The following LIM2 variants were observed in gnomAD, a reference collection of about 807,000 sequenced individuals.
LIM2 encodes lens fiber membrane intrinsic protein.
LIM2 carries 14 observed loss-of-function variants against 19.0 expected under a neutral mutation model. The ratio of observed to expected loss-of-function variants is 0.74; its 90% CI spans 0.49 to 1.15. The LOEUF is 1.15. Ranked by LOEUF, LIM2 falls within the 50% of genes most tolerant of loss-of-function variation. The pLI, the probability that LIM2 is intolerant of heterozygous loss-of-function variation, is 0.00. For synonymous variants in LIM2, 78 were observed against 89.6 expected (o/e 0.87, Z 0.73); for missense variants, 230 against 243.5 (o/e 0.94, Z 0.37).
At chr19:51,382,269 G>A in intron 3 of LIM2, 149 bp downstream of exon 3, 1 of 788,806 alleles carries the variant, frequency 1.3e-6, no homozygotes, top group African/African-American at 1.7e-5. Context: ...TAGTCATGAG[G>A]TTGGTTTTGA....
intron 2 of LIM2, 57 bp from the exon 3 acceptor site, chr19:51,382,624 TG>T: frequency 6.2e-7 from 1 of 1,607,560 alleles, no homozygotes; most frequent in Non-Finnish European, 8.5e-7. Flanking sequence ...TGAGAGATGC[TG>T]CTACCTCTGA....
At chr19:51,381,911 G>T (rs1266392440) in intron 3 of LIM2, among the ~76,000 whole-genome samples, 6 of 152,188 alleles carry the variant, frequency 3.9e-5, no homozygotes, top group Admixed American at 1.3e-4. Flanking sequence ...TGTATTTTTA[G>T]TAGAGATGGG....
intron 1 of LIM2, among the ~76,000 whole-genome samples, 153 bp downstream of exon 1, chr19:51,387,766 G>A (rs1251229840): frequency 6.6e-6 from 1 of 152,030 alleles, no homozygotes; most frequent in Non-Finnish European, 1.5e-5. Context: ...TAGGTGAGAA[G>A]GGGCCCAGGA....
Position 51,380,659 on chromosome 19 carries a change from G to A in LIM2, c.326-20C>T. On this transcript the variant is annotated intron_variant, in intron 3 of 4. Transcript: ENST00000596399. The stretch of plus-strand genomic sequence containing the variant: ...AAAGGGCTGGGGAGAGAGGGCGGGA[G>A]GATGCAGGTGGGACTAAGGCTGGGT... 6.2e-7 allele frequency: 1 copy of A among 1,613,894 alleles called. No individual in the cohort carries two copies. The highest frequency in any genetic ancestry group is 8.5e-7 in the Non-Finnish European group (1 of 1,179,958).
At chr19:51,387,585 T>C (rs1221541616) in intron 1 of LIM2, 136 bp from the exon 2 acceptor site, 4 of 1,301,896 alleles carry the variant, frequency 3.1e-6, no homozygotes, top group African/African-American at 3.0e-5. Context: ...GCCTGGGTCC[T>C]GGGCGAGGAG....
Position 51,387,444 on chromosome 19 carries a change from G to A in LIM2, c.-1C>T. On this transcript the variant is annotated 5_prime_UTR_variant, in exon 2 of 5. Transcript: ENST00000596399. ...GGCCACCACCCATGAAGCTGTACAT[G>A]GTGATCTGTGGGGAAGGGGAGAGAT... The A allele has an allele frequency of 6.2e-7, 1 of 1,613,676 alleles. No individual in the cohort carries two copies. Among genetic ancestry groups the A allele is most frequent in the Non-Finnish European group, 8.5e-7 (1 of 1,179,994 alleles).
At position 51,380,629 on chromosome 19, in the gene LIM2, G is replaced by A. The variant is rs888833603; in HGVS notation, c.336C>T (p.Val112=). 7.4e-6 allele frequency: 12 copies of A among 1,613,616 alleles called. No individual in the cohort carries two copies. Among genetic ancestry groups the A allele is most frequent in the African/African-American group, 1.3e-5 (1 of 74,764 alleles). ...GIMFFSSTLF[V]VLALAIYTGV... ...CAGTGTAGATGGCCAAGGCCAACACGACGAAAAGGGCTGGGGAGAGAGGGC... is the reference window on the plus strand; with the variant it reads ...CAGTGTAGATGGCCAAGGCCAACACAACGAAAAGGGCTGGGGAGAGAGGGC... The change falls in exon 4 of 5, where the codon GTC becomes GTT. Residue 112 remains valine (V), a synonymous_variant. Coordinates refer to ENST00000596399, the MANE Select transcript of LIM2 (RefSeq NM_001161748.2).
intron 3 of LIM2, 85 bp from the exon 4 acceptor site, chr19:51,380,724 G>C: frequency 6.6e-7 from 1 of 1,516,928 alleles, no homozygotes; most frequent in Admixed American, 1.9e-5. Context: ...GATGGGGGTG[G>C]GAACTAAGAT....
intron 2 of LIM2, among the ~76,000 whole-genome samples, chr19:51,383,442 C>G (rs1331713191): frequency 6.6e-6 from 1 of 152,210 alleles, no homozygotes. Context: ...CCTTAGCTCT[C>G]AAGGACAAGC....
Position 51,380,368 on chromosome 19 carries a change from C to T in LIM2, c.461-106G>A, listed in dbSNP as rs1057245798. 8 of 1,568,866 alleles carry T rather than the reference C, an allele frequency of 5.1e-6. No individual in the cohort carries two copies. The Admixed American group carries it at 6.7e-5, about 13-fold the overall frequency. ...TCTCTTTCTCCCTGGGTATCCCCGACCCCAGACTCCATAGGCCTGGAGTCT... is the reference window on the plus strand; with the variant it reads ...TCTCTTTCTCCCTGGGTATCCCCGATCCCAGACTCCATAGGCCTGGAGTCT... On this transcript the variant is annotated intron_variant, in intron 4 of 4. Coordinates refer to ENST00000596399, the MANE Select transcript of LIM2 (RefSeq NM_001161748.2).
In LIM2 at chr19:51,382,520, C is replaced by T. The variant is rs375757519; in HGVS notation, c.223G>A (p.Ala75Thr). 31 of 1,613,718 alleles carry T rather than the reference C, an allele frequency of 1.9e-5. No homozygotes were observed. The highest frequency in any genetic ancestry group is 3.3e-4 in the Middle Eastern group (2 of 6,064). Residue 75 changes from alanine to threonine, a missense_variant, in exon 3 of 5, where the codon GCC (alanine) becomes ACC (threonine). By Grantham distance (58) the Ala-to-Thr change is moderately conservative. Transcript: ENST00000596399. ...ATGCCCATGATGATGCCGGAGATGG[C>T]GCATAGGGCAGACAGGATCATGAAG... ...RAFMILSALC[A>T]ISGIIMGIMA...
rs1987086753 is a variant in LIM2, at chr19:51,387,223, C to T, written c.175+46G>A. 1 of 1,614,242 alleles carries T rather than the reference C, an allele frequency of 6.2e-7. No individual in the cohort carries two copies. Among genetic ancestry groups the T allele is most frequent in the Non-Finnish European group, 8.5e-7 (1 of 1,180,050 alleles). Reference sequence around the variant, plus strand: ...GTGTCCTTGGGCCCCGAGGTCCGCCCTGCTCTTTCCCCAGGCGCGGCCTGG... The same window carrying T: ...GTGTCCTTGGGCCCCGAGGTCCGCCTTGCTCTTTCCCCAGGCGCGGCCTGG... On this transcript the variant is annotated intron_variant, in intron 2 of 4. Coordinates refer to ENST00000596399, the MANE Select transcript of LIM2 (RefSeq NM_001161748.2).
At chr19:51,381,460 T>C (rs1206222685) in intron 3 of LIM2, among the ~76,000 whole-genome samples, 1 of 152,160 alleles carries the variant, frequency 6.6e-6, no homozygotes, top group Non-Finnish European at 1.5e-5. Flanking sequence ...TCATGCCTAT[T>C]TTACAAGACT....
chr19:51,386,514 TATTA>T (rs1419157279), intron 2 of LIM2, among the ~76,000 whole-genome samples: 5 of 148,356 alleles, frequency 3.4e-5, no homozygotes, highest in African/African-American at 7.4e-5. Context: ...ATATATACAT[TATTA>T]ATTTATTATA....
chr19:51,380,362 C>A, intron 4 of LIM2, 100 bp from the exon 5 acceptor site: 1 of 1,574,040 alleles, frequency 6.4e-7, no homozygotes, highest in Non-Finnish European at 8.7e-7. Context: ...CCCTGGGTAT[C>A]CCCGACCCCA....
chr19:51,381,182 G>C (rs1986884120), intron 3 of LIM2, among the ~76,000 whole-genome samples: 1 of 152,228 alleles, frequency 6.6e-6, no homozygotes, highest in African/African-American at 2.4e-5. Flanking sequence ...GCTGGGTGTG[G>C]TGGTGGGTGC....
chr19:51,385,452 G>A (rs544450484), intron 2 of LIM2, among the ~76,000 whole-genome samples: 116 of 152,238 alleles, frequency 7.6e-4, no homozygotes, highest in African/African-American at 2.7e-3. Context: ...AACCCAGGAG[G>A]CAGAGGTTAC....
At chr19:51,387,051 C>T (rs1987075957) in intron 2 of LIM2, 1 of 841,854 alleles carries the variant, frequency 1.2e-6, no homozygotes, top group Non-Finnish European at 2.0e-6. Context: ...AATGCCACCT[C>T]TCCCAACTTA....
In LIM2 at chr19:51,387,263, G is replaced by A. The variant is rs775096673; in HGVS notation, c.175+6C>T. ...GCGCGGCCTGGACCCTGGCCGGGGGGCTCACCGATGCTGTCTGTCTGCAGG... is the reference window on the plus strand; with the variant it reads ...GCGCGGCCTGGACCCTGGCCGGGGGACTCACCGATGCTGTCTGTCTGCAGG... On this transcript the variant is annotated splice_donor_region_variant and intron_variant, in intron 2 of 4. Transcript: ENST00000596399. 3 of 1,614,032 alleles carry A rather than the reference G, an allele frequency of 1.9e-6. No individual in the cohort carries two copies. Among genetic ancestry groups the A allele is most frequent in the Admixed American group, 3.3e-5 (2 of 60,026 alleles).
Sources: gnomAD v4.1 joint callset for allele counts (sites outside exome capture counted in the v4.1 genomes callset) on GRCh38, gnomAD v4.1.1 for gene constraint, MANE v1.5 for transcripts, NCBI Gene and HGNC (gene_info 2026-07-23, HGNC 2026-07-21) for gene names.